Variants in STXBP5L observed in about 807,000 individuals in gnomAD.
STXBP5L encodes the protein syntaxin-binding protein 5-like.
A neutral mutation model predicts 144.5 loss-of-function variants in STXBP5L; 65 were observed. The ratio of observed to expected loss-of-function variants is 0.45; its 90% confidence interval spans 0.37 to 0.55. The LOEUF (loss-of-function observed/expected upper bound fraction) is 0.55. STXBP5L is among the 20% of genes least tolerant of loss of function. The pLI, the probability that STXBP5L is intolerant of heterozygous loss-of-function variation, is 0.00. For missense variants in STXBP5L, 1,298 were observed against 1,405.5 expected, an observed-to-expected ratio of 0.92 and a Z score of 1.22; for synonymous variants, 505 against 469.6, an observed-to-expected ratio of 1.08 and a Z score of -0.97.
chr3:121,009,718 A>C (rs2108121932), intron 3 of STXBP5L, among the ~76,000 whole-genome samples: 1 of 152,062 alleles, frequency 6.6e-6, no homozygotes, highest in East Asian at 1.9e-4. Flanking sequence ...GTTGGGCCTA[A>C]TTCTGAATGT....
At chr3:121,382,964 ACT>A (rs2046351849) in intron 22 of STXBP5L, among the ~76,000 whole-genome samples, 1 of 151,854 alleles carries the variant, frequency 6.6e-6, no homozygotes, top group Non-Finnish European at 1.5e-5. Flanking sequence ...TTCTTTCAAG[ACT>A]CTAGTTAATA....
At chr3:120,989,226 G>A (rs1458797234) in intron 3 of STXBP5L, among the ~76,000 whole-genome samples, 1 of 152,012 alleles carries the variant, frequency 6.6e-6, no homozygotes, top group Non-Finnish European at 1.5e-5. Flanking sequence ...TTCCATAGAA[G>A]TTGTGCAAAT....
rs73855303 is a variant in STXBP5L, at chr3:121,011,395, C to A, written c.288-30305C>A. ...GTCCTGCAACCCTTTATTTTTATAG[C>A]AAGGACAATATTTTCCCAATTTGAG... On this transcript the variant is annotated intron_variant, in intron 3 of 26. Transcript: ENST00000471454. 7.8e-3 allele frequency among the ~76,000 whole-genome samples: 1,187 copies of A among 151,640 alleles called. 13 individuals carry two copies. The highest frequency in any genetic ancestry group is 0.028 in the African/African-American group (1,144 of 41,394).
At chr3:121,034,156 C>T (rs988253251) in intron 3 of STXBP5L, among the ~76,000 whole-genome samples, 1 of 152,046 alleles carries the variant, frequency 6.6e-6, no homozygotes, top group Non-Finnish European at 1.5e-5. Context: ...AATTTATATA[C>T]ATTTAAGGGG....
chr3:121,281,087 G>A (rs1462156547), intron 19 of STXBP5L, among the ~76,000 whole-genome samples: 2 of 151,686 alleles, frequency 1.3e-5, no homozygotes, highest in Non-Finnish European at 2.9e-5. Context: ...TTTCCAAGTG[G>A]CAGATATGTC....
At chr3:121,008,116 G>A (rs1944486427) in intron 3 of STXBP5L, among the ~76,000 whole-genome samples, 1 of 151,656 alleles carries the variant, frequency 6.6e-6, no homozygotes, top group African/African-American at 2.4e-5. Context: ...GCCTTTTCTG[G>A]GTGTCAGAGT....
intron 5 of STXBP5L, among the ~76,000 whole-genome samples, chr3:121,077,300 T>A (rs1010547962): frequency 5.9e-5 from 9 of 152,170 alleles, no homozygotes; most frequent in Non-Finnish European, 7.4e-5. Flanking sequence ...ATTGGTGGGT[T>A]CTTGGTCTCA....
intron 20 of STXBP5L, among the ~76,000 whole-genome samples, chr3:121,365,332 G>C (rs974345832): frequency 1.3e-5 from 2 of 151,722 alleles, no homozygotes; most frequent in Non-Finnish European, 3.0e-5. Flanking sequence ...TACAAGGACT[G>C]ATATTATTCT....
chr3:120,932,475 C>T (rs150494160), intron 2 of STXBP5L, among the ~76,000 whole-genome samples: 1,609 of 152,178 alleles, frequency 0.011, 26 homozygotes, highest in African/African-American at 0.037. Context: ...CCCAGCAAAT[C>T]GCTTTAGTAT....
chr3:121,183,708 G>T (rs1454734652), intron 9 of STXBP5L, among the ~76,000 whole-genome samples: 1 of 151,962 alleles, frequency 6.6e-6, no homozygotes, highest in East Asian at 1.9e-4. Flanking sequence ...GCAAGGAAAC[G>T]AAAGCAAGGA....
rs186523355 is a variant in STXBP5L at position 121,277,524 on chromosome 3, C to A, written c.1959-2281C>A. ...TCCTTTGTCACATTTGTATTTTCCT[C>A]AACCTTCTTGATTATCTGTAATATG... On this transcript the variant is annotated intron_variant, in intron 18 of 26. Transcript: ENST00000471454. Among the ~76,000 whole-genome samples, 645 of 152,008 alleles carry A rather than the reference C, an allele frequency of 4.2e-3. 5 individuals carry two copies. Among genetic ancestry groups the A allele is most frequent in the African/African-American group, 0.015 (615 of 41,516 alleles).
At position 120,951,915 on chromosome 3, in the gene STXBP5L, A is replaced by T. The variant is rs958565557; in HGVS notation, c.190-3025A>T. 5.3e-5 allele frequency among the ~76,000 whole-genome samples: 8 copies of T among 151,992 alleles called. No homozygotes were observed. In the East Asian group the frequency reaches 5.8e-4, roughly 11 times the overall value. On this transcript the variant is annotated intron_variant, in intron 2 of 26. Coordinates refer to ENST00000471454, the MANE Select transcript of STXBP5L (RefSeq NM_001308330.2). ...GACTTGGAACCAATCCAAATGTCCA[A>T]CAATGATAGACTGGATTAAGAAAAT... is the stretch of plus-strand genomic sequence containing the variant.
intron 3 of STXBP5L, among the ~76,000 whole-genome samples, chr3:121,035,401 G>A (rs979175932): frequency 6.6e-6 from 1 of 152,068 alleles, no homozygotes; most frequent in African/African-American, 2.4e-5. Context: ...GTGAGAGATA[G>A]GGGTCCAGTT....
In STXBP5L at chr3:120,989,901, A is replaced by G. The variant is rs187301243; in HGVS notation, c.287+34864A>G. On this transcript the variant is annotated intron_variant, in intron 3 of 26. Transcript: ENST00000471454. Reference sequence around the variant, plus strand: ...CATTCTCTTTGAAAACTGGCACAAGACAGGGATGCCCTCTCTCACCACTTC... The same window carrying G: ...CATTCTCTTTGAAAACTGGCACAAGGCAGGGATGCCCTCTCTCACCACTTC... 4.8e-4 allele frequency among the ~76,000 whole-genome samples: 73 copies of G among 152,296 alleles called. 1 individual carries two copies. Among genetic ancestry groups the G allele is most frequent in the African/African-American group, 1.7e-3 (71 of 41,560 alleles).
intron 2 of STXBP5L, among the ~76,000 whole-genome samples, chr3:120,949,446 T>C (rs1329137744): frequency 1.3e-5 from 2 of 152,100 alleles, no homozygotes; most frequent in Non-Finnish European, 2.9e-5. Context: ...TATGTTTGTT[T>C]TTGTTGCATT....
At chr3:120,957,180 A>G (rs934520408) in intron 3 of STXBP5L, among the ~76,000 whole-genome samples, 2 of 151,902 alleles carry the variant, frequency 1.3e-5, no homozygotes, top group Non-Finnish European at 2.9e-5. Flanking sequence ...ACTGATCTAT[A>G]GGTATGTTTC....
At chr3:121,257,067 G>T (rs1313110167) in intron 16 of STXBP5L, 94 bp from the exon 17 acceptor site, 4 of 942,088 alleles carry the variant, frequency 4.2e-6, no homozygotes, top group South Asian at 2.1e-5. Context: ...AAGTTATCAG[G>T]TATTTTAATG....
rs557999838 is a variant in STXBP5L, at chr3:121,349,424, T to C, written c.2177-29292T>C. The stretch of plus-strand genomic sequence containing the variant: ...AGGTGTGGTGTGGTGCTGAGAAGAA[T>C]GTATATTCTGTTGATTTGGGGTGGA... On this transcript the variant is annotated intron_variant, in intron 20 of 26. Coordinates refer to ENST00000471454, the MANE Select transcript of STXBP5L (RefSeq NM_001308330.2). Among the ~76,000 whole-genome samples the C allele has an allele frequency of 4.8e-5, 7 of 147,148 alleles. No individual in the cohort carries two copies. In the East Asian group the frequency reaches 8.0e-4, roughly 17 times the overall value.
At chr3:121,055,245 G>T (rs550015624) in intron 5 of STXBP5L, among the ~76,000 whole-genome samples, 4 of 152,202 alleles carry the variant, frequency 2.6e-5, no homozygotes, top group Admixed American at 1.3e-4. Context: ...TCGAAGTATG[G>T]TGAATGGGAG....
Sources: allele counts gnomAD v4.1 joint callset (sites outside exome capture counted in the v4.1 genomes callset), GRCh38; gene constraint gnomAD v4.1.1; transcripts MANE v1.5; gene names NCBI Gene and HGNC (gene_info 2026-07-23, HGNC 2026-07-21).